Variants in MME observed in about 807,000 individuals in gnomAD.
MME encodes neprilysin.
A neutral mutation model predicts 113.2 loss-of-function variants in MME; 98 were observed. That is an observed-to-expected ratio of 0.87 (90% CI 0.74 to 1.02). The LOEUF is 1.02. Ranked by LOEUF, MME falls within the 50% of genes least tolerant of loss-of-function variation. The probability of loss-of-function intolerance (pLI) is 0.00; values close to 1 mark genes in which losing one functional copy is unlikely to be tolerated. For missense variants in MME, 836 were observed against 896.0 expected, an observed-to-expected ratio of 0.93 and a Z score of 0.86; for synonymous variants, 292 against 300.6, an observed-to-expected ratio of 0.97 and a Z score of 0.30.
chr3:155,123,425 G>C (rs1719324600), intron 8 of MME, among the ~76,000 whole-genome samples: 1 of 89,052 alleles, frequency 1.1e-5, no homozygotes. Flanking sequence ...TACATTTAAA[G>C]TTAATATTGT....
intron 1 of MME, among the ~76,000 whole-genome samples, chr3:155,048,858 T>G (rs1713654808): frequency 6.6e-6 from 1 of 152,202 alleles, no homozygotes; most frequent in Non-Finnish European, 1.5e-5. Context: ...AGAATTATTG[T>G]TTGCTTTCCA....
chr3:155,109,136 T>C (rs1717949885), intron 3 of MME, among the ~76,000 whole-genome samples: 1 of 152,288 alleles, frequency 6.6e-6, no homozygotes, highest in South Asian at 2.1e-4. Flanking sequence ...ATTTTGAATA[T>C]AGTATAGTTT....
rs185336322 is a variant in MME at position 155,084,772 on chromosome 3, C to T, written c.161-287C>T. 4.1e-4 allele frequency among the ~76,000 whole-genome samples: 62 copies of T among 152,218 alleles called. 1 individual carries two copies. The East Asian group carries it at 9.8e-3, about 24-fold the overall frequency. On this transcript the variant is annotated intron_variant, in intron 2 of 22. Transcript: ENST00000360490. ...TGTTTAATGGTTAAAAAAATGATTA[C>T]CAAGCAAAAACAACTGATTATTTCA...
At chr3:155,050,751 T>C (rs1272513579) in intron 1 of MME, among the ~76,000 whole-genome samples, 1 of 152,174 alleles carries the variant, frequency 6.6e-6, no homozygotes, top group South Asian at 2.1e-4. Flanking sequence ...AGATGTATAG[T>C]TTGTAAATAT....
chr3:155,117,599 GTTTTTTT>G (rs5853715), intron 7 of MME, among the ~76,000 whole-genome samples: 2 of 131,458 alleles, frequency 1.5e-5, no homozygotes, highest in Admixed American at 7.6e-5. Context: ...TTTTTTTTTT[GTTTTTTT>G]TTTTTTTTGG....
intron 11 of MME, 40 bp from the exon 12 acceptor site, chr3:155,142,197 T>A: frequency 6.2e-7 from 1 of 1,612,414 alleles, no homozygotes; most frequent in Non-Finnish European, 8.5e-7. Context: ...CTTTGCAGCC[T>A]CATCTTTTCT....
chr3:155,155,527 T>C (rs1272546077), intron 16 of MME, among the ~76,000 whole-genome samples: 3 of 152,108 alleles, frequency 2.0e-5, no homozygotes, highest in African/African-American at 4.8e-5. Flanking sequence ...AAGGCCCAAA[T>C]AGCCAAGTGC....
Position 155,143,545 on chromosome 3 carries a change from G to A in MME, c.1291G>A (p.Ala431Thr), listed in dbSNP as rs2108315472. The change falls in exon 13 of 23, where the codon GCA becomes ACA. Residue 431 changes from alanine (A) to threonine (T), a missense_variant. Transcript: ENST00000360490. The part of the protein sequence containing the change: ...NAVGRLYVEA[A>T]FAGESKHVVE... ...TGTGGGGAGGCTTTATGTGGAAGCA[G>A]CATTTGCTGGAGAGAGTAAACATGT... The A allele has an allele frequency of 1.9e-6, 3 of 1,612,550 alleles. No homozygotes were observed. In the Middle Eastern group the frequency reaches 5.0e-4, roughly 267 times the overall value.
chr3:155,067,040 G>A (rs1714402843), intron 1 of MME, among the ~76,000 whole-genome samples: 1 of 152,026 alleles, frequency 6.6e-6, no homozygotes, highest in South Asian at 2.1e-4. Flanking sequence ...GGAACCATGA[G>A]TAATAAGGCA....
chr3:155,119,278 C>T (rs1262273038), intron 8 of MME, among the ~76,000 whole-genome samples: 1 of 152,104 alleles, frequency 6.6e-6, no homozygotes, highest in Non-Finnish European at 1.5e-5. Context: ...CAAACTTTTG[C>T]AGCTACCTTG....
intron 1 of MME, among the ~76,000 whole-genome samples, chr3:155,048,783 T>C (rs1427048658): frequency 6.6e-6 from 1 of 152,180 alleles, no homozygotes; most frequent in Non-Finnish European, 1.5e-5. Context: ...TATTTTGTCT[T>C]TGAATATTTT....
intron 1 of MME, among the ~76,000 whole-genome samples, chr3:155,038,100 T>A (rs1006662874): frequency 6.6e-6 from 1 of 152,144 alleles, no homozygotes; most frequent in South Asian, 2.1e-4. Context: ...TGCTACCTAG[T>A]GCCATATGTT....
chr3:155,104,488 C>T (rs892679081), intron 3 of MME, among the ~76,000 whole-genome samples: 4 of 152,218 alleles, frequency 2.6e-5, no homozygotes, highest in South Asian at 2.1e-4. Flanking sequence ...GAAGCACTGT[C>T]GACTCAGCTT....
At chr3:155,078,193 A>G (rs775255303), upstream of MME, among the ~76,000 whole-genome samples, 1 of 152,096 alleles carries the variant, frequency 6.6e-6, no homozygotes, top group African/African-American at 2.4e-5. Flanking sequence ...ACTGCACTCC[A>G]GCCTGGGCGA....
At chr3:155,093,767 A>G (rs549690190) in intron 3 of MME, among the ~76,000 whole-genome samples, 19 of 151,676 alleles carry the variant, frequency 1.3e-4, no homozygotes, top group African/African-American at 4.6e-4. Flanking sequence ...GAGGCACAAG[A>G]ATTGCTTGAA....
At chr3:155,153,840 A>G (rs1186927911) in intron 16 of MME, among the ~76,000 whole-genome samples, 1 of 152,192 alleles carries the variant, frequency 6.6e-6, no homozygotes, top group East Asian at 1.9e-4. Context: ...ACTGTGCTAA[A>G]CAAAATAGAT....
intron 16 of MME, among the ~76,000 whole-genome samples, chr3:155,151,344 A>G (rs1721918064): frequency 1.3e-5 from 2 of 152,294 alleles, no homozygotes; most frequent in South Asian, 4.1e-4. Context: ...CACTTCAGAG[A>G]AATGATGATG....
intron 1 of MME, among the ~76,000 whole-genome samples, chr3:155,027,695 G>T (rs191871656): frequency 6.6e-6 from 1 of 152,112 alleles, no homozygotes; most frequent in African/African-American, 2.4e-5. Context: ...TAGAATTTTA[G>T]CATTTTAATA....
rs553910964 is a variant in MME at position 155,138,714 on chromosome 3, G to A, written c.855+478G>A. 5.3e-5 allele frequency among the ~76,000 whole-genome samples: 8 copies of A among 152,246 alleles called. No individual in the cohort carries two copies. The East Asian group carries it at 1.5e-3, about 29-fold the overall frequency. Reference sequence around the variant, plus strand: ...GATACTACTGAGTTCAAATTGTCAGGCTGCTGAGCTGACGGAGGGTAAGAC... The same window carrying A: ...GATACTACTGAGTTCAAATTGTCAGACTGCTGAGCTGACGGAGGGTAAGAC... On this transcript the variant is annotated intron_variant, in intron 9 of 22. Transcript: ENST00000360490.
Sources: allele counts gnomAD v4.1 joint callset (sites outside exome capture counted in the v4.1 genomes callset), GRCh38; gene constraint gnomAD v4.1.1; transcripts MANE v1.5; gene names NCBI Gene and HGNC (gene_info 2026-07-23, HGNC 2026-07-21).